RUFY2: variants seen among roughly 807,000 people sequenced by gnomAD.
RUFY2 encodes RUN and FYVE domain-containing protein 2.
RUFY2 carries 49 observed loss-of-function variants against 94.4 expected under a neutral mutation model. The ratio of observed to expected loss-of-function variants is 0.52; its 90% CI spans 0.41 to 0.66. The LOEUF (loss-of-function observed/expected upper bound fraction) is 0.66, where lower values mean the gene tolerates loss of function less well. Ranked by LOEUF, RUFY2 falls within the 30% of genes least tolerant of loss-of-function variation. The probability of loss-of-function intolerance (pLI) is 0.00; values close to 1 mark genes in which losing one functional copy is unlikely to be tolerated. For synonymous variants in RUFY2, 255 were observed against 235.7 expected (o/e 1.08, Z -0.75); for missense variants, 541 against 692.8 (o/e 0.78, Z 2.46).
chr10:68,343,902 T>C lies in RUFY2; in HGVS notation c.*1866A>G, dbSNP rs951750917. ...ACTTACTTAAAGGATGACAAAATCA[T>C]GGTTTGTTGAATGAAATTAGCCTTG... On this transcript the variant is annotated 3_prime_UTR_variant, in exon 18 of 18. Coordinates refer to ENST00000602465, the MANE Select transcript of RUFY2 (RefSeq NM_001330103.2). 3 of 151,114 alleles carry C rather than the reference T, an allele frequency of 2.0e-5. No homozygotes were observed. Among genetic ancestry groups the C allele is most frequent in the Non-Finnish European group, 4.4e-5 (3 of 67,882 alleles). 9.4% of individuals were successfully genotyped at this position (151,114 alleles called of 1,614,324 possible). A position where few individuals can be genotyped will look rare whatever the true frequency, so the allele number is the denominator to read the frequency against.
intron 12 of RUFY2, chr10:68,377,205 ATT>A: frequency 7.4e-7 from 1 of 1,359,420 alleles, no homozygotes; most frequent in Non-Finnish European, 9.4e-7. Flanking sequence ...CTATCTTCAA[ATT>A]TGTTTTATTT....
At chr10:68,391,317 T>G (rs899341192) in intron 7 of RUFY2, among the ~76,000 whole-genome samples, 5 of 151,448 alleles carry the variant, frequency 3.3e-5, no homozygotes, top group East Asian at 1.9e-4. Flanking sequence ...ATTTTTGGGG[T>G]TTTTTTTACA....
At chr10:68,357,307 C>A (rs2047129143) in intron 15 of RUFY2, among the ~76,000 whole-genome samples, 1 of 151,506 alleles carries the variant, frequency 6.6e-6, no homozygotes, top group African/African-American at 2.4e-5. Flanking sequence ...CGACTCACTG[C>A]AACCTCCGCC....
intron 13 of RUFY2, among the ~76,000 whole-genome samples, chr10:68,365,261 T>C (rs1160577050): frequency 1.3e-5 from 2 of 152,218 alleles, no homozygotes; most frequent in Non-Finnish European, 2.9e-5. Flanking sequence ...GAACAGCATC[T>C]CTTCAACTAA....
chr10:68,399,598 T>A (rs985560284), intron 3 of RUFY2, among the ~76,000 whole-genome samples: 1 of 152,152 alleles, frequency 6.6e-6, no homozygotes, highest in African/African-American at 2.4e-5. Context: ...ATTTGAACAT[T>A]CAACAACAAA....
chr10:68,376,462 A>G (rs1372057310), intron 13 of RUFY2, among the ~76,000 whole-genome samples: 4 of 30,172 alleles, frequency 1.3e-4, no homozygotes, highest in African/African-American at 2.5e-4. Context: ...ATATATATAT[A>G]TATATATATA....
chr10:68,346,975 C>T (rs1246608377), intron 16 of RUFY2, among the ~76,000 whole-genome samples: 2 of 152,016 alleles, frequency 1.3e-5, no homozygotes, highest in Non-Finnish European at 2.9e-5. Context: ...AAAAATTAAC[C>T]AGGCTGCGTG....
At chr10:68,358,004 A>G (rs951640504) in intron 15 of RUFY2, among the ~76,000 whole-genome samples, 1 of 152,108 alleles carries the variant, frequency 6.6e-6, no homozygotes, top group African/African-American at 2.4e-5. Context: ...CCTGGCCAAC[A>G]TGGTGAAACC....
At chr10:68,392,685 G>A (rs535835080) in intron 7 of RUFY2, among the ~76,000 whole-genome samples, 2 of 151,770 alleles carry the variant, frequency 1.3e-5, no homozygotes, top group East Asian at 1.9e-4. Flanking sequence ...CACTTTGGGA[G>A]GCCAAGGCGG....
At chr10:68,376,440 GTGTATATATATATATATATATATATATA>G (rs1176082267) in intron 13 of RUFY2, among the ~76,000 whole-genome samples, 65 of 48,266 alleles carry the variant, frequency 1.3e-3, no homozygotes, top group East Asian at 7.8e-3. Flanking sequence ...AAAAAAATGT[GTGTATATATATATATATATATATATATA>G]TATATATATA....
chr10:68,399,448 T>C (rs34404708), intron 3 of RUFY2, among the ~76,000 whole-genome samples: 10,450 of 152,272 alleles, frequency 0.069, 536 homozygotes, highest in African/African-American at 0.14. Context: ...ATTATAATAA[T>C]AACCTCTACC....
chr10:68,400,180 G>A (rs562665408), intron 3 of RUFY2, among the ~76,000 whole-genome samples: 25 of 152,140 alleles, frequency 1.6e-4, no homozygotes, highest in African/African-American at 5.3e-4. Flanking sequence ...GGTATGGATG[G>A]TGGCACATGC....
At chr10:68,387,851 A>G (rs1473580042) in intron 7 of RUFY2, among the ~76,000 whole-genome samples, 1 of 151,942 alleles carries the variant, frequency 6.6e-6, no homozygotes, top group East Asian at 1.9e-4. Flanking sequence ...AAAAATACAA[A>G]ACTTAGCTGG....
chr10:68,344,693 AAG>A lies in RUFY2; in HGVS notation c.*1073_*1074del, dbSNP rs1380755656. 2 of 152,386 alleles carry A rather than the reference AAG, an allele frequency of 1.3e-5. No individual in the cohort carries two copies. The highest frequency in any genetic ancestry group is 4.8e-5 in the African/African-American group (2 of 41,448). The allele number at this position is 152,386 out of a possible 1,614,324, so 9.4% of individuals were successfully genotyped here. A position where few individuals can be genotyped will look rare whatever the true frequency, so the allele number is the denominator to read the frequency against. The stretch of plus-strand genomic sequence containing the variant: ...GAGTGAAACTCCATCTCGAAAAAAA[AAG>A]AAATAGGTCAAGTGTATATTTCATC... On this transcript the variant is annotated 3_prime_UTR_variant, in exon 18 of 18. Coordinates refer to ENST00000602465, the MANE Select transcript of RUFY2 (RefSeq NM_001330103.2).
At chr10:68,349,484 A>C (rs1048303617) in intron 16 of RUFY2, among the ~76,000 whole-genome samples, 1 of 152,052 alleles carries the variant, frequency 6.6e-6, no homozygotes, top group African/African-American at 2.4e-5. Flanking sequence ...TGGAGTCACT[A>C]CACCCTGGCC....
At chr10:68,345,941 A>G (rs566569628) in intron 17 of RUFY2, 30 bp from the exon 18 acceptor site, 1 of 1,612,736 alleles carries the variant, frequency 6.2e-7, no homozygotes, top group South Asian at 1.1e-5. Context: ...GAGGGAAAAA[A>G]ACACTTTAAA....
chr10:68,379,632 G>C (rs982220014), intron 11 of RUFY2, 111 bp from the exon 12 acceptor site: 5 of 675,780 alleles, frequency 7.4e-6, no homozygotes, highest in Non-Finnish European at 7.3e-6. Flanking sequence ...GCCCAGGTTG[G>C]ATTTGAACTT....
chr10:68,350,473 A>G (rs1030138055), intron 16 of RUFY2, among the ~76,000 whole-genome samples: 2 of 152,362 alleles, frequency 1.3e-5, no homozygotes, highest in South Asian at 2.1e-4. Flanking sequence ...GGAAAAGAAA[A>G]AAAAGTCAAC....
At chr10:68,373,104 T>G (rs141523093) in intron 13 of RUFY2, among the ~76,000 whole-genome samples, 41 of 152,278 alleles carry the variant, frequency 2.7e-4, no homozygotes, top group Non-Finnish European at 5.3e-4. Context: ...CAAATTATAT[T>G]AAAGAGGGGA....
Sources: allele counts gnomAD v4.1 joint callset (sites outside exome capture counted in the v4.1 genomes callset), GRCh38; gene constraint gnomAD v4.1.1; transcripts MANE v1.5; gene names NCBI Gene and HGNC (gene_info 2026-07-23, HGNC 2026-07-21).